The following SREK1IP1 variants were observed in gnomAD, a reference collection of about 807,000 sequenced individuals.
SREK1IP1 encodes the protein SREK1 interacting protein 1.
SREK1IP1 carries 12 observed loss-of-function variants against 22.8 expected under a neutral mutation model. That is an observed-to-expected ratio of 0.53 (90% confidence interval 0.34 to 0.85). The LOEUF is 0.85. Among genes scored for constraint, SREK1IP1 ranks in the 40% least tolerant of loss-of-function variants. The pLI is 0.02. For missense variants in SREK1IP1, 147 were observed against 171.8 expected, an observed-to-expected ratio of 0.86 and a Z score of 0.81; for synonymous variants, 53 against 52.7, an observed-to-expected ratio of 1.01 and a Z score of -0.02.
chr5:64,736,832 T>G (rs571764397), intron 3 of SREK1IP1, among the ~76,000 whole-genome samples: 5 of 152,184 alleles, frequency 3.3e-5, no homozygotes, highest in African/African-American at 9.6e-5. Flanking sequence ...ACCTCTTCAT[T>G]CCTGGTATTC....
At chr5:64,753,783 T>G (rs1742788225) in intron 2 of SREK1IP1, among the ~76,000 whole-genome samples, 1 of 152,244 alleles carries the variant, frequency 6.6e-6, no homozygotes, top group Admixed American at 6.5e-5. Context: ...TTACTTACAG[T>G]ATAAAATTAC....
rs1279695304 is a variant in SREK1IP1 at position 64,724,086 on chromosome 5, T to C, written c.*298A>G. 1 of 210,306 alleles carries C rather than the reference T, an allele frequency of 4.8e-6. No homozygotes were observed. The highest frequency in any genetic ancestry group is 2.3e-5 in the African/African-American group (1 of 43,618). The allele number at this position is 210,306 out of a possible 1,614,324, so 13.0% of individuals were successfully genotyped here. A position where few individuals can be genotyped will look rare whatever the true frequency, so the allele number is the denominator to read the frequency against. On this transcript the variant is annotated 3_prime_UTR_variant, in exon 5 of 5. Transcript: ENST00000513458. ...GTAAAGCCATTTTACAATGAACTTA[T>C]GAAGTAGTAACACTAGCCAAACACA...
intron 3 of SREK1IP1, among the ~76,000 whole-genome samples, chr5:64,732,258 C>T (rs964342648): frequency 1.1e-4 from 16 of 152,010 alleles, no homozygotes; most frequent in African/African-American, 3.6e-4. Context: ...TGAAGCTCAC[C>T]TATTTCAATT....
chr5:64,752,144 G>T (rs368836199), intron 2 of SREK1IP1, among the ~76,000 whole-genome samples: 63 of 85,404 alleles, frequency 7.4e-4, no homozygotes, highest in South Asian at 5.6e-3. Context: ...TTTTTTTTGT[G>T]TGTTTTTTTT....
intron 4 of SREK1IP1, 24 bp from the exon 5 acceptor site, chr5:64,724,597 C>T: frequency 2.7e-6 from 4 of 1,469,902 alleles, no homozygotes; most frequent in Non-Finnish European, 3.6e-6. Context: ...TACATACTGA[C>T]TGAGAATTGC....
intron 2 of SREK1IP1, among the ~76,000 whole-genome samples, chr5:64,752,705 G>C (rs1742771381): frequency 6.6e-6 from 1 of 151,998 alleles, no homozygotes; most frequent in South Asian, 2.1e-4. Context: ...CCATATTTTT[G>C]GGAATTAAAA....
chr5:64,754,223 C>T (rs1485898485), intron 2 of SREK1IP1, 92 bp downstream of exon 2: 7 of 1,186,424 alleles, frequency 5.9e-6, no homozygotes, highest in Non-Finnish European at 8.7e-6. Flanking sequence ...TGCAACTGGG[C>T]CCCTGAAATC....
At chr5:64,751,202 T>C (rs1366642560) in intron 2 of SREK1IP1, among the ~76,000 whole-genome samples, 1 of 152,218 alleles carries the variant, frequency 6.6e-6, no homozygotes, top group Non-Finnish European at 1.5e-5. Flanking sequence ...ATCCTTTGGC[T>C]AATGTGATGC....
At chr5:64,729,341 T>C (rs1044886912) in intron 3 of SREK1IP1, among the ~76,000 whole-genome samples, 52 of 152,122 alleles carry the variant, frequency 3.4e-4, no homozygotes, top group Non-Finnish European at 1.3e-4. Flanking sequence ...GGGTAGTGCA[T>C]GTCAGGAAGA....
chr5:64,745,505 C>T (rs554508471), intron 2 of SREK1IP1, among the ~76,000 whole-genome samples: 28 of 151,944 alleles, frequency 1.8e-4, no homozygotes, highest in African/African-American at 6.8e-4. Flanking sequence ...ACAAGAATTG[C>T]TTGAACCTGG....
intron 1 of SREK1IP1, among the ~76,000 whole-genome samples, chr5:64,763,401 G>A (rs954442164): frequency 1.3e-5 from 2 of 152,050 alleles, no homozygotes; most frequent in Admixed American, 1.3e-4. Context: ...CCCGGGTATA[G>A]TGGCATGTGC....
Position 64,768,625 on chromosome 5 carries a change from C to T in SREK1IP1, c.-108G>A, listed in dbSNP as rs1215126608. 3 of 1,507,062 alleles carry T rather than the reference C, an allele frequency of 2.0e-6. No individual in the cohort carries two copies. Among genetic ancestry groups the T allele is most frequent in the Admixed American group, 1.7e-5 (1 of 57,240 alleles). The allele number at this position is 1,507,062 out of a possible 1,614,324, so 93.4% of individuals were successfully genotyped here. A position where few individuals can be genotyped will look rare whatever the true frequency, so the allele number is the denominator to read the frequency against. On this transcript the variant is annotated 5_prime_UTR_variant, in exon 1 of 5. Transcript: ENST00000513458. ...CAAAGCGGCGTTTTCCTTCCCCCAG[C>T]GCAGCAGCACCCTCGCTACGGTCGG...
intron 2 of SREK1IP1, among the ~76,000 whole-genome samples, chr5:64,741,999 TTG>T: frequency 6.6e-6 from 1 of 151,864 alleles, no homozygotes. Context: ...TTTTTTTTTT[TTG>T]TCCTCTGAAG....
chr5:64,734,632 T>A (rs1347963405), intron 3 of SREK1IP1, among the ~76,000 whole-genome samples: 1 of 152,102 alleles, frequency 6.6e-6, no homozygotes, highest in African/African-American at 2.4e-5. Context: ...CAGTCTTGCA[T>A]ACCTTGTCAG....
intron 2 of SREK1IP1, among the ~76,000 whole-genome samples, chr5:64,748,898 CAG>C (rs931837984): frequency 6.6e-6 from 1 of 151,964 alleles, no homozygotes; most frequent in Non-Finnish European, 1.5e-5. Flanking sequence ...AAACCTATTT[CAG>C]AGTTATTTTA....
chr5:64,722,371 T>C lies in SREK1IP1; in HGVS notation c.*2013A>G, dbSNP rs1475790926. The stretch of plus-strand genomic sequence containing the variant: ...AACAGTAATAAAACTTACAAGTAAT[T>C]AACTATTTCACTACAATTACTATCA... On this transcript the variant is annotated 3_prime_UTR_variant, in exon 5 of 5. Transcript: ENST00000513458. 6.6e-6 allele frequency: 1 copy of C among 152,198 alleles called. No individual in the cohort carries two copies. The highest frequency in any genetic ancestry group is 2.4e-5 in the African/African-American group (1 of 41,458). The allele number at this position is 152,198 out of a possible 1,614,324, so 9.4% of individuals were successfully genotyped here.
intron 3 of SREK1IP1, among the ~76,000 whole-genome samples, chr5:64,736,411 G>A (rs1431014219): frequency 6.6e-6 from 1 of 151,896 alleles, no homozygotes; most frequent in Non-Finnish European, 1.5e-5. Context: ...TTTATTTACG[G>A]TTATACCAGG....
chr5:64,735,172 T>A (rs375669878), intron 3 of SREK1IP1, among the ~76,000 whole-genome samples: 1 of 149,458 alleles, frequency 6.7e-6, no homozygotes, highest in African/African-American at 2.5e-5. Flanking sequence ...GTTTTTTTTT[T>A]AGTCTCTTAA....
At chr5:64,749,138 C>T (rs1167873289) in intron 2 of SREK1IP1, among the ~76,000 whole-genome samples, 2 of 149,932 alleles carry the variant, frequency 1.3e-5, no homozygotes, top group African/African-American at 4.9e-5. Context: ...TTCATTTTGA[C>T]TGTACAGATA....
Sources: gnomAD v4.1 joint callset for allele counts (sites outside exome capture counted in the v4.1 genomes callset) on GRCh38, gnomAD v4.1.1 for gene constraint, MANE v1.5 for transcripts, NCBI Gene and HGNC (gene_info 2026-07-23, HGNC 2026-07-21) for gene names.